PAM: variants seen among roughly 807,000 people sequenced by gnomAD.
PAM encodes the protein peptidylglycine alpha-amidating monooxygenase, also known as peptidyl-glycine alpha-amidating monooxygenase.
In PAM, 72 loss-of-function variants were observed where a neutral mutation model predicts 122.1. The observed-to-expected ratio is 0.59, with a 90% CI of 0.49 to 0.72. PAM has a LOEUF of 0.72. PAM is among the 30% of genes least tolerant of loss of function. The probability of loss-of-function intolerance (pLI) is 0.00; values close to 1 mark genes in which losing one functional copy is unlikely to be tolerated. For synonymous variants in PAM, 389 were observed against 404.4 expected (o/e 0.96, Z 0.46); for missense variants, 1,106 against 1,183.7 (o/e 0.93, Z 0.96).
At chr5:102,862,748 A>G (rs372475990) in intron 1 of PAM, among the ~76,000 whole-genome samples, 11 of 152,346 alleles carry the variant, frequency 7.2e-5, no homozygotes, top group African/African-American at 2.4e-4. Context: ...CAACAGCCCT[A>G]CGAGGTAGGT....
In PAM at chr5:102,974,244, C is replaced by CA; in HGVS notation, c.1298dup (p.Asp434GlyfsTer6). 2 of 1,613,614 alleles carry CA rather than the reference C, an allele frequency of 1.2e-6. No individual in the cohort carries two copies. Among genetic ancestry groups the CA allele is most frequent in the Non-Finnish European group, 1.7e-6 (2 of 1,179,788 alleles). ...GGTAGCTGAGATTGCAAATGTAGTC[C>CA]AAAAAAAGGATCTTGGTCGATCTGA... On this transcript the variant is annotated frameshift_variant, in exon 15 of 26. Transcript: ENST00000438793. LOFTEE classifies it high-confidence loss of function.
chr5:103,017,587 T>A (rs30719), intron 22 of PAM, among the ~76,000 whole-genome samples, 154 bp downstream of exon 22: 4,599 of 152,298 alleles, frequency 0.03, 77 homozygotes, highest in South Asian at 0.078. Context: ...TTGGTGTCCA[T>A]TAAGTGGAAA....
intron 1 of PAM, among the ~76,000 whole-genome samples, chr5:102,847,811 A>G (rs1477797266): frequency 6.6e-6 from 1 of 152,212 alleles, no homozygotes; most frequent in Non-Finnish European, 1.5e-5. Context: ...CGGTCAGAGA[A>G]CTAAAAAGTT....
At chr5:102,940,143 C>CAT (rs1472497629) in intron 7 of PAM, among the ~76,000 whole-genome samples, 1 of 149,312 alleles carries the variant, frequency 6.7e-6, no homozygotes, top group Non-Finnish European at 1.5e-5. Context: ...CACACACACA[C>CAT]ACACACATAC....
At chr5:102,963,425 A>T (rs1053230958) in intron 14 of PAM, among the ~76,000 whole-genome samples, 2 of 152,050 alleles carry the variant, frequency 1.3e-5, no homozygotes, top group African/African-American at 4.8e-5. Context: ...GGCTTTAATT[A>T]TTCAAATAAA....
At position 102,865,842 on chromosome 5, in the gene PAM, G is replaced by A. The variant is rs1785384664; in HGVS notation, c.-354G>A. ...TTGCAGGTTCTGAATGATGACTGAC[G>A]CGGGTTTGGGTGATACCCCTCACAG... On this transcript the variant is annotated 5_prime_UTR_variant, in exon 2 of 26. Transcript: ENST00000438793. 2 of 239,678 alleles carry A rather than the reference G, an allele frequency of 8.3e-6. No individual in the cohort carries two copies. Among genetic ancestry groups the A allele is most frequent in the South Asian group, 1.2e-4 (1 of 8,080 alleles). The allele number at this position is 239,678 out of a possible 1,614,324, so 14.8% of individuals were successfully genotyped here. A position where few individuals can be genotyped will look rare whatever the true frequency, so the allele number is the denominator to read the frequency against.
rs1384779742 is a variant in PAM at position 102,946,888 on chromosome 5, A to G, written c.575+3A>G. 1 of 1,591,248 alleles carries G rather than the reference A, an allele frequency of 6.3e-7. No individual in the cohort carries two copies. The highest frequency in any genetic ancestry group is 8.6e-7 in the Non-Finnish European group (1 of 1,160,114). ...TCCTTACACCTCACACGTCTGCCGT[A>G]AGTACTTCCATTTTTCCTAGAGGAG... On this transcript the variant is annotated splice_donor_region_variant and intron_variant, in intron 8 of 25. Coordinates refer to ENST00000438793, the MANE Select transcript of PAM (RefSeq NM_001177306.2).
At chr5:102,810,869 A>C (rs1767721150) in intron 1 of PAM, among the ~76,000 whole-genome samples, 1 of 152,144 alleles carries the variant, frequency 6.6e-6, no homozygotes, top group South Asian at 2.1e-4. Flanking sequence ...CACTATCCAA[A>C]AGAATTAGAA....
Position 103,017,428 on chromosome 5 carries a change from C to G in PAM, c.2426C>G (p.Thr809Ser), listed in dbSNP as rs1448362162. Residue 809 changes from threonine to serine, a missense_variant, in exon 22 of 26, where the codon ACT becomes AGT. By Grantham distance (58) the Thr-to-Ser change is moderately conservative. Transcript: ENST00000438793. ...HTNTVWKFTL[T>S]EKLEHRSVKK... The stretch of plus-strand genomic sequence containing the variant: ...AACACCGTGTGGAAGTTCACCTTGA[C>G]TGAGAGTATGGTTTTCACAGTATTA... 1.9e-6 allele frequency: 3 copies of G among 1,575,242 alleles called. No individual in the cohort carries two copies. Among genetic ancestry groups the G allele is most frequent in the Non-Finnish European group, 2.6e-6 (3 of 1,144,692 alleles).
chr5:102,882,006 G>A (rs1435822841), intron 3 of PAM, among the ~76,000 whole-genome samples: 10 of 136,274 alleles, frequency 7.3e-5, no homozygotes, highest in Non-Finnish European at 1.6e-4. Context: ...TGCTGTGAAT[G>A]CCATTATTTC....
chr5:102,987,315 A>G (rs1772196043), intron 15 of PAM, among the ~76,000 whole-genome samples: 1 of 152,128 alleles, frequency 6.6e-6, no homozygotes, highest in South Asian at 2.1e-4. Context: ...CCATATTCAT[A>G]CTCATATGTG....
intron 15 of PAM, among the ~76,000 whole-genome samples, chr5:102,979,029 A>C (rs562046427): frequency 1.3e-3 from 63 of 47,480 alleles, no homozygotes; most frequent in African/African-American, 4.1e-3. Context: ...GTTATTCTGC[A>C]TCACACACAC....
Position 102,949,460 on chromosome 5 carries a change from T to A in PAM, c.644-77T>A, listed in dbSNP as rs1221962210. ...AGTCCCTAGCATCTTGTGAATACCC[T>A]ATGCATAATTTTAGATAAGAATAAT... is the stretch of plus-strand genomic sequence containing the variant. On this transcript the variant is annotated intron_variant, in intron 9 of 25. Coordinates refer to ENST00000438793, the MANE Select transcript of PAM (RefSeq NM_001177306.2). The A allele has an allele frequency of 3.8e-6, 3 of 799,868 alleles. No homozygotes were observed. The African/African-American group carries it at 5.1e-5, about 13-fold the overall frequency. The allele number at this position is 799,868 out of a possible 1,614,324, so 49.5% of individuals were successfully genotyped here.
At chr5:102,860,281 A>AT (rs1267543131) in intron 1 of PAM, among the ~76,000 whole-genome samples, 1 of 152,168 alleles carries the variant, frequency 6.6e-6, no homozygotes, top group Non-Finnish European at 1.5e-5. Flanking sequence ...GAGGGCATCC[A>AT]TGTGTGTGCA....
intron 16 of PAM, among the ~76,000 whole-genome samples, chr5:102,997,193 A>T (rs895180784): frequency 5.9e-5 from 9 of 152,202 alleles, no homozygotes; most frequent in Non-Finnish European, 1.3e-4. Context: ...TTACATTGTA[A>T]CAAGATACTG....
chr5:103,024,773 C>A (rs1385078265), intron 23 of PAM, among the ~76,000 whole-genome samples: 1 of 152,042 alleles, frequency 6.6e-6, no homozygotes, highest in Admixed American at 6.6e-5. Flanking sequence ...GATTTGTACC[C>A]AGGTTTGTTT....
intron 1 of PAM, among the ~76,000 whole-genome samples, chr5:102,849,350 A>G (rs1002722237): frequency 6.6e-6 from 1 of 152,128 alleles, no homozygotes; most frequent in Admixed American, 6.5e-5. Context: ...CGAGGTCAGG[A>G]GATCGAGACC....
chr5:102,819,408 TA>T (rs1770962944), intron 1 of PAM, among the ~76,000 whole-genome samples: 1 of 151,866 alleles, frequency 6.6e-6, no homozygotes, highest in Admixed American at 6.6e-5. Context: ...CAAATATACA[TA>T]TAATAGTATA....
chr5:102,780,987 T>G (rs1758808543), intron 1 of PAM, among the ~76,000 whole-genome samples: 1 of 151,828 alleles, frequency 6.6e-6, no homozygotes, highest in Admixed American at 6.6e-5. Flanking sequence ...CTCCTCAAGT[T>G]GTGATAACCA....
Sources: allele counts gnomAD v4.1 joint callset (sites outside exome capture counted in the v4.1 genomes callset), GRCh38; gene constraint gnomAD v4.1.1; transcripts MANE v1.5; gene names NCBI Gene and HGNC (gene_info 2026-07-23, HGNC 2026-07-21).